Variants in SUPT5H observed in about 807,000 individuals in gnomAD.
SUPT5H encodes the protein SPT5 homolog, DSIF elongation factor subunit.
SUPT5H carries 24 observed loss-of-function variants against 142.5 expected under a neutral mutation model. The ratio of observed to expected loss-of-function variants is 0.17; its 90% CI spans 0.12 to 0.24. The LOEUF (loss-of-function observed/expected upper bound fraction) is 0.24, where lower values mean the gene tolerates loss of function less well. Among genes scored for constraint, SUPT5H ranks in the 10% least tolerant of loss-of-function variants. The pLI is 1.00. For missense variants in SUPT5H, 893 were observed against 1,471.8 expected (o/e 0.61, Z 6.43); for synonymous variants, 546 against 553.0 (o/e 0.99, Z 0.18).
chr19:39,468,515 TG>T, intron 13 of SUPT5H: 1 of 551,916 alleles, frequency 1.8e-6, no homozygotes, highest in South Asian at 2.2e-5. Flanking sequence ...AACACTAGAT[TG>T]TCAGATGGTG....
At chr19:39,468,538 A>G (rs2079274405) in intron 13 of SUPT5H, 2 of 580,292 alleles carry the variant, frequency 3.4e-6, no homozygotes, top group Admixed American at 3.0e-5. Context: ...TCGGTGCTCA[A>G]AGATAAATCA....
At chr19:39,447,450 C>CTT (rs59007555) in intron 2 of SUPT5H, among the ~76,000 whole-genome samples, 29,974 of 131,942 alleles carry the variant, frequency 0.23, 4,040 homozygotes, top group East Asian at 0.38. Flanking sequence ...TTGCCATTAT[C>CTT]TTTTTTTTTT....
intron 20 of SUPT5H, chr19:39,471,962 C>T (rs904062317): frequency 1.6e-6 from 1 of 616,396 alleles, no homozygotes; most frequent in Non-Finnish European, 2.7e-6. Context: ...GTGCCAGACA[C>T]TGGAGAACCA....
rs748134469 is a variant in SUPT5H at position 39,472,542 on chromosome 19, A to G, written c.2035+49A>G. ...GATGTGGTGGGTAGAAGGGGCTGGA[A>G]GGAACTTGGTTGTTCAGCCTACACT... On this transcript the variant is annotated intron_variant, in intron 21 of 29. Coordinates refer to ENST00000432763, the MANE Select transcript of SUPT5H (RefSeq NM_001111020.3). The surrounding 1 kb of genome is among the most constrained non-coding windows in gnomAD (Gnocchi z 4.2). 6.3e-7 allele frequency: 1 copy of G among 1,599,352 alleles called. No individual in the cohort carries two copies. The highest frequency in any genetic ancestry group is 8.6e-7 in the Non-Finnish European group (1 of 1,167,838).
At position 39,476,243 on chromosome 19, in the gene SUPT5H, C is replaced by T. The variant is rs554497608; in HGVS notation, c.3121-13C>T. The stretch of plus-strand genomic sequence containing the variant: ...GCTGACATGGACCCTGACCATATTC[C>T]CCCCACCCCCAGGTGAAAGTGATCC... On this transcript the variant is annotated splice_polypyrimidine_tract_variant and intron_variant, in intron 29 of 29. Coordinates refer to ENST00000432763, the MANE Select transcript of SUPT5H (RefSeq NM_001111020.3). The T allele has an allele frequency of 4.3e-6, 7 of 1,614,038 alleles. No homozygotes were observed. The African/African-American group carries it at 8.0e-5, about 18-fold the overall frequency.
At position 39,472,938 on chromosome 19, in the gene SUPT5H, CGAGGCCTGTG is replaced by C. The variant is rs556928377; in HGVS notation, c.2155+18_2155+27del. 1.8e-4 allele frequency: 297 copies of C among 1,612,330 alleles called. 1 individual carries two copies. The East Asian group carries it at 5.8e-3, about 31-fold the overall frequency. On this transcript the variant is annotated intron_variant, in intron 22 of 29. Transcript: ENST00000432763. This position sits in a 1 kb window ranked among gnomAD's most constrained non-coding sequence, Gnocchi z 4.2. The stretch of plus-strand genomic sequence containing the variant: ...CCAGGGGCCCTACAAAGGTGACCTG[CGAGGCCTGTG>C]GAGGCCTGGGGAGGGGCATGGTGAA...
intron 2 of SUPT5H, among the ~76,000 whole-genome samples, chr19:39,450,382 T>C (rs2079006074): frequency 6.6e-6 from 1 of 152,098 alleles, no homozygotes; most frequent in Non-Finnish European, 1.5e-5. Flanking sequence ...TTTAAGTGAT[T>C]CTCCTGCCTC....
intron 2 of SUPT5H, 38 bp downstream of exon 2, chr19:39,446,003 G>A: frequency 1.9e-6 from 3 of 1,597,878 alleles, no homozygotes; most frequent in Non-Finnish European, 2.6e-6. Context: ...ATTGCGTCTG[G>A]GGACAGGACT....
chr19:39,472,688 G>T lies in SUPT5H; in HGVS notation c.2036-122G>T, dbSNP rs1223010321. ...TCCATAGGAAAGCCATGGGGCAGGG[G>T]TGGGCAGAGGAGGCTCTTAACCCAA... On this transcript the variant is annotated intron_variant, in intron 21 of 29. Transcript: ENST00000432763. This position sits in a 1 kb window ranked among gnomAD's most constrained non-coding sequence, Gnocchi z 4.2. 1.4e-6 allele frequency: 2 copies of T among 1,457,804 alleles called. No individual in the cohort carries two copies. The highest frequency in any genetic ancestry group is 2.5e-5 in the East Asian group (1 of 40,558). 90.3% of individuals were successfully genotyped at this position (1,457,804 alleles called of 1,614,324 possible).
At chr19:39,456,692 A>G (rs1468609541) in intron 3 of SUPT5H, among the ~76,000 whole-genome samples, 1 of 152,076 alleles carries the variant, frequency 6.6e-6, no homozygotes, top group African/African-American at 2.4e-5. Context: ...TGCTGGGATT[A>G]CAGGCATGAG....
chr19:39,458,395 C>T lies in SUPT5H; in HGVS notation c.319+90C>T. The T allele has an allele frequency of 6.3e-7, 1 of 1,590,796 alleles. No individual in the cohort carries two copies. Among genetic ancestry groups the T allele is most frequent in the Non-Finnish European group, 8.6e-7 (1 of 1,168,546 alleles). On this transcript the variant is annotated intron_variant, in intron 5 of 29. Coordinates refer to ENST00000432763, the MANE Select transcript of SUPT5H (RefSeq NM_001111020.3). The surrounding 1 kb of genome is among the most constrained non-coding windows in gnomAD (Gnocchi z 4.2). ...AGGCACCTGCCCTCACCGGTAGCCT[C>T]CCCACCAGCCCCGGTCTGGCCCTGA...
rs1338196785 is a variant in SUPT5H at position 39,466,069 on chromosome 19, G to A, written c.877-411G>A. ...AATGCTGAGACTGCAGTGGAGGAGG[G>A]GAAGAGGTCAGGTATTTTGAAGGCA... On this transcript the variant is annotated intron_variant, in intron 11 of 29. Transcript: ENST00000432763. The surrounding 1 kb of genome is among the most constrained non-coding windows in gnomAD (Gnocchi z 4.3). Among the ~76,000 whole-genome samples the A allele has an allele frequency of 6.6e-6, 1 of 152,168 alleles. No individual in the cohort carries two copies. The highest frequency in any genetic ancestry group is 1.5e-5 in the Non-Finnish European group (1 of 68,036).
Position 39,471,350 on chromosome 19 carries a change from T to C in SUPT5H, c.1678-7T>C, listed in dbSNP as rs373503176. 19 of 1,614,018 alleles carry C rather than the reference T, an allele frequency of 1.2e-5. No homozygotes were observed. The African/African-American group carries it at 2.0e-4, about 17-fold the overall frequency. ...ACCCCCACAGCCTCCCTGCTCTCCC[T>C]CTGTAGGTGCTGAACATGTACGGGA... is the stretch of plus-strand genomic sequence containing the variant. On this transcript the variant is annotated splice_polypyrimidine_tract_variant and splice_region_variant and intron_variant, in intron 18 of 29. Transcript: ENST00000432763.
chr19:39,452,276 A>G (rs2079031312), intron 2 of SUPT5H, among the ~76,000 whole-genome samples: 1 of 152,090 alleles, frequency 6.6e-6, no homozygotes, highest in Non-Finnish European at 1.5e-5. Flanking sequence ...GTTCTGGAAA[A>G]AAGTGGGACT....
At chr19:39,475,600 G>C (rs981879912) in intron 28 of SUPT5H, among the ~76,000 whole-genome samples, 3 of 152,102 alleles carry the variant, frequency 2.0e-5, no homozygotes, top group African/African-American at 7.2e-5. Flanking sequence ...CCCAGGGGGA[G>C]GTTGGGCTGC....
In SUPT5H at chr19:39,473,668, A is replaced by G. The variant is rs1421188726; in HGVS notation, c.2492+147A>G. The G allele has an allele frequency of 1.2e-5, 12 of 1,024,054 alleles. No individual in the cohort carries two copies. The highest frequency in any genetic ancestry group is 8.0e-5 in the South Asian group (5 of 62,602). 63.4% of individuals were successfully genotyped at this position (1,024,054 alleles called of 1,614,324 possible). Reference sequence around the variant, plus strand: ...CTGGTCCCTTTGAAGGAGGAGGCATAGCATGGCGGGGCGGGGGCAAAGCGG... The same window carrying G: ...CTGGTCCCTTTGAAGGAGGAGGCATGGCATGGCGGGGCGGGGGCAAAGCGG... On this transcript the variant is annotated intron_variant, in intron 25 of 29. Transcript: ENST00000432763. This position sits in a 1 kb window ranked among gnomAD's most constrained non-coding sequence, Gnocchi z 5.8.
chr19:39,467,656 G>A (rs906269241), intron 13 of SUPT5H: 1 of 152,120 alleles, frequency 6.6e-6, no homozygotes, highest in Non-Finnish European at 1.5e-5. Context: ...GAGCAGCCCA[G>A]GAATTTCAAC....
At position 39,476,082 on chromosome 19, in the gene SUPT5H, G is replaced by A. The variant is rs772174825; in HGVS notation, c.3026G>A (p.Gly1009Glu). The change falls in exon 29 of 30, where the codon GGG (glycine) becomes GAG (glutamate). Residue 1009 changes from glycine to glutamate, a missense_variant and splice_region_variant. Gly to Glu is a moderately conservative substitution (Grantham distance 98). This residue lies in a region of SUPT5H where 336 missense variants were observed against 546.5 expected (regional missense o/e 0.61). Coordinates refer to ENST00000432763, the MANE Select transcript of SUPT5H (RefSeq NM_001111020.3). ...GQTGVIRSVT[G>E]GMCSVYLKDS... is the part of the protein sequence containing the mutation. ...GACCAGGCTGTCCCCATCCTCCAGG[G>A]GGGCATGTGCTCTGTGTACCTGAAG... The A allele has an allele frequency of 1.2e-6, 2 of 1,614,054 alleles. No homozygotes were observed. The highest frequency in any genetic ancestry group is 1.1e-5 in the South Asian group (1 of 91,082).
rs1433196093 is a variant in SUPT5H, at chr19:39,458,730, C to T, written c.320-88C>T. On this transcript the variant is annotated intron_variant, in intron 5 of 29. Coordinates refer to ENST00000432763, the MANE Select transcript of SUPT5H (RefSeq NM_001111020.3). This position sits in a 1 kb window ranked among gnomAD's most constrained non-coding sequence, Gnocchi z 4.2. The stretch of plus-strand genomic sequence containing the variant: ...CATCTTCCTGCCCCAGGGCCAAACC[C>T]TGGCCCTCTTAGCTGCACGCTCCTA... 6 of 1,279,122 alleles carry T rather than the reference C, an allele frequency of 4.7e-6. No individual in the cohort carries two copies. The highest frequency in any genetic ancestry group is 6.5e-6 in the Non-Finnish European group (6 of 922,192). The allele number at this position is 1,279,122 out of a possible 1,614,324, so 79.2% of individuals were successfully genotyped here. A position where few individuals can be genotyped will look rare whatever the true frequency, so the allele number is the denominator to read the frequency against.
Sources: gnomAD v4.1 joint callset for allele counts (sites outside exome capture counted in the v4.1 genomes callset) on GRCh38, gnomAD v4.1.1 for gene constraint, gnomAD v4.1.1 regional missense constraint, Gnocchi (gnomAD v3.1) non-coding constraint, MANE v1.5 for transcripts, NCBI Gene and HGNC (gene_info 2026-07-23, HGNC 2026-07-21) for gene names.